Variants in ZNF24 observed in about 807,000 individuals in gnomAD.
ZNF24 encodes retinoic acid suppression protein A.
Under a neutral mutation model 40.9 loss-of-function variants are expected in ZNF24, and 11 were observed. The ratio of observed to expected loss-of-function variants is 0.27; its 90% CI spans 0.17 to 0.45. The LOEUF (loss-of-function observed/expected upper bound fraction) is 0.45, where lower values mean the gene tolerates loss of function less well. Among genes scored for constraint, ZNF24 ranks in the 20% least tolerant of loss-of-function variants. The pLI is 1.00. For missense variants in ZNF24, 293 were observed against 437.7 expected (o/e 0.67, Z 2.95); for synonymous variants, 139 against 154.7 (o/e 0.90, Z 0.75).
At chr18:35,339,397 GAAAT>G (rs1166393678) in intron 3 of ZNF24, among the ~76,000 whole-genome samples, 1 of 152,162 alleles carries the variant, frequency 6.6e-6, no homozygotes, top group African/African-American at 2.4e-5. Context: ...AAGGAAATCA[GAAAT>G]AAATATTTAG....
chr18:35,337,359 C>G lies in ZNF24; in HGVS notation c.980G>C (p.Arg327Thr). The G allele has an allele frequency of 6.2e-7, 1 of 1,614,060 alleles. No homozygotes were observed. Among genetic ancestry groups the G allele is most frequent in the Non-Finnish European group, 8.5e-7 (1 of 1,179,976 alleles). Residue 327 changes from arginine (R) to threonine (T), a missense_variant, in exon 4 of 4, where the codon AGA (arginine) becomes ACA (threonine). This residue lies in a region of ZNF24 where 59 missense variants were observed against 138.6 expected (regional missense o/e 0.43). Coordinates refer to ENST00000261332, the MANE Select transcript of ZNF24 (RefSeq NM_006965.4). ...SQNSGLINHQRIHTGEKPYEC... is the reference protein window; with the variant it reads ...SQNSGLINHQTIHTGEKPYEC... ...ATAAGGTTTCTCCCCAGTATGGATT[C>G]TCTGATGATTAATAAGCCCCGAATT...
chr18:35,339,951 T>A lies in ZNF24; in HGVS notation c.446A>T (p.Glu149Val). ...QPVSLRRRKR[E>V]VLVEDMVSQE... ...AGATACCATGTCTTCTACTAGTACT[T>A]CCCGTTTTCGTCGACGGAGAGAAAC... The change falls in exon 3 of 4, where the codon GAA (glutamate) becomes GTA (valine). Residue 149 changes from glutamate (E) to valine (V), a missense_variant. Glu to Val is a moderately radical substitution (Grantham distance 121). Around this residue, in one of 2 missense-constraint regions of ZNF24, gnomAD observed 234 missense variants for 299.2 expected, o/e 0.78. Coordinates refer to ENST00000261332, the MANE Select transcript of ZNF24 (RefSeq NM_006965.4). 1.9e-6 allele frequency: 3 copies of A among 1,610,358 alleles called. No homozygotes were observed. The highest frequency in any genetic ancestry group is 2.5e-6 in the Non-Finnish European group (3 of 1,176,972).
intron 1 of ZNF24, among the ~76,000 whole-genome samples, 186 bp downstream of exon 1, chr18:35,344,174 C>T (rs1235348712): frequency 6.6e-6 from 1 of 152,150 alleles, no homozygotes; most frequent in Non-Finnish European, 1.5e-5. Context: ...TGCCGAAGAC[C>T]CAAGCAGGCC....
At chr18:35,342,087 T>C (rs1598688969) in intron 1 of ZNF24, among the ~76,000 whole-genome samples, 1 of 151,746 alleles carries the variant, frequency 6.6e-6, no homozygotes. Flanking sequence ...TCCCAGCTAC[T>C]GGGGAGATTG....
intron 3 of ZNF24, among the ~76,000 whole-genome samples, chr18:35,339,344 C>T (rs555437596): frequency 2.0e-5 from 3 of 152,180 alleles, no homozygotes; most frequent in African/African-American, 4.8e-5. Context: ...AATATTTCTA[C>T]AAAAGAAGCT....
rs778112029 is a variant in ZNF24 at position 35,340,687 on chromosome 18, C to A, written c.-37G>T. The A allele has an allele frequency of 1.3e-5, 21 of 1,587,744 alleles. No individual in the cohort carries two copies. The Admixed American group carries it at 3.4e-4, about 26-fold the overall frequency. On this transcript the variant is annotated 5_prime_UTR_variant, in exon 2 of 4. Transcript: ENST00000261332. This position sits in a 1 kb window ranked among gnomAD's most constrained non-coding sequence, Gnocchi z 4.6. ...ATATTTCAAGAAAAGACAACTGAGGCAGAATATAAGCCTCAGGGCAATACC... is the reference window on the plus strand; with the variant it reads ...ATATTTCAAGAAAAGACAACTGAGGAAGAATATAAGCCTCAGGGCAATACC...
At position 35,335,342 on chromosome 18, in the gene ZNF24, A is replaced by G. The variant is rs1040773509; in HGVS notation, c.*1890T>C. 3 of 152,204 alleles carry G rather than the reference A, an allele frequency of 2.0e-5. No individual in the cohort carries two copies. Among genetic ancestry groups the G allele is most frequent in the Non-Finnish European group, 2.9e-5 (2 of 68,036 alleles). The allele number at this position is 152,204 out of a possible 1,614,324, so 9.4% of individuals were successfully genotyped here. A position where few individuals can be genotyped will look rare whatever the true frequency, so the allele number is the denominator to read the frequency against. ...TCTTGTATAACTTAAAATACATTAT[A>G]TCATTACTACATATTTATACTTCAA... On this transcript the variant is annotated 3_prime_UTR_variant, in exon 4 of 4. Transcript: ENST00000261332.
At position 35,332,964 on chromosome 18, in the gene ZNF24, A is replaced by AT. The variant is rs1598681380; in HGVS notation, c.*4267dup. Reference sequence around the variant, plus strand: ...GAAAAGGTTCTTTTTCGCCCAACAGATAAAAACTATCAAGTGTAGGTATGG... The same window carrying AT: ...GAAAAGGTTCTTTTTCGCCCAACAGATTAAAAACTATCAAGTGTAGGTATGG... On this transcript the variant is annotated 3_prime_UTR_variant, in exon 4 of 4. Coordinates refer to ENST00000261332, the MANE Select transcript of ZNF24 (RefSeq NM_006965.4). 1 of 152,294 alleles carries AT rather than the reference A, an allele frequency of 6.6e-6. No homozygotes were observed. Among genetic ancestry groups the AT allele is most frequent in the East Asian group, 1.9e-4 (1 of 5,186 alleles). The allele number at this position is 152,294 out of a possible 1,614,324, so 9.4% of individuals were successfully genotyped here. A position where few individuals can be genotyped will look rare whatever the true frequency, so the allele number is the denominator to read the frequency against.
intron 3 of ZNF24, chr18:35,338,688 T>A: frequency 9.2e-7 from 1 of 1,088,200 alleles, no homozygotes; most frequent in Non-Finnish European, 1.1e-6. Context: ...ACTGAAAGGT[T>A]AGAGGAGGAT....
chr18:35,338,993 C>A, intron 3 of ZNF24: 1 of 1,533,000 alleles, frequency 6.5e-7, no homozygotes, highest in Non-Finnish European at 8.7e-7. Flanking sequence ...TGGCACTGTC[C>A]CCTCAGATGT....
chr18:35,338,394 G>C (rs1373524235), intron 3 of ZNF24: 2 of 985,266 alleles, frequency 2.0e-6, no homozygotes, highest in Non-Finnish European at 2.4e-6. Flanking sequence ...AATAAAAGCA[G>C]CTTCTCCCAT....
At chr18:35,338,434 C>G (rs1362860) in intron 3 of ZNF24, 913,047 of 985,290 alleles carry the variant, frequency 0.93, 424,360 homozygotes, top group Non-Finnish European at 0.94. Flanking sequence ...TTAGAAAAAT[C>G]GTTATTTCTA....
At chr18:35,338,399 T>C in intron 3 of ZNF24, 2 of 985,374 alleles carry the variant, frequency 2.0e-6, no homozygotes, top group Non-Finnish European at 2.4e-6. Context: ...AAGCAGCTTC[T>C]CCCATGTGGT....
intron 1 of ZNF24, among the ~76,000 whole-genome samples, chr18:35,341,810 G>C (rs898866550): frequency 2.0e-5 from 3 of 152,072 alleles, no homozygotes; most frequent in South Asian, 2.1e-4. Flanking sequence ...CTAAAGACCA[G>C]GAGTTCAAGG....
chr18:35,343,777 C>A, intron 1 of ZNF24: 1 of 152,576 alleles, frequency 6.6e-6, no homozygotes, highest in South Asian at 2.0e-4. Context: ...GCCCACGGTC[C>A]CGACAATGTT....
rs2044896800 is a variant in ZNF24 at position 35,335,377 on chromosome 18, A to G, written c.*1855T>C. The G allele has an allele frequency of 2.0e-5, 3 of 152,230 alleles. No homozygotes were observed. The highest frequency in any genetic ancestry group is 6.5e-5 in the Admixed American group (1 of 15,290). The allele number at this position is 152,230 out of a possible 1,614,324, so 9.4% of individuals were successfully genotyped here. A position where few individuals can be genotyped will look rare whatever the true frequency, so the allele number is the denominator to read the frequency against. Reference sequence around the variant, plus strand: ...CATATTTATACTTCAATAAATCTTAATCTATAAAGCACATTTTTTATAATT... The same window carrying G: ...CATATTTATACTTCAATAAATCTTAGTCTATAAAGCACATTTTTTATAATT... On this transcript the variant is annotated 3_prime_UTR_variant, in exon 4 of 4. Coordinates refer to ENST00000261332, the MANE Select transcript of ZNF24 (RefSeq NM_006965.4).
rs747590446 is a variant in ZNF24, at chr18:35,337,408, C to G, written c.931G>C (p.Glu311Gln). The G allele has an allele frequency of 1.9e-6, 3 of 1,614,014 alleles. No individual in the cohort carries two copies. The highest frequency in any genetic ancestry group is 2.5e-6 in the Non-Finnish European group (3 of 1,179,950). Residue 311 changes from glutamate (E) to glutamine (Q), a missense_variant, in exon 4 of 4, where the codon GAA (glutamate) becomes CAA (glutamine). Coordinates refer to ENST00000261332, the MANE Select transcript of ZNF24 (RefSeq NM_006965.4). ...TTCTGGCTAAAGGCTTTCCCACATT[C>G]AAGACATTTGTAAGGTTTTTCTCCA... ...HTGEKPYKCL[E>Q]CGKAFSQNSG...
rs2143848301 is a variant in ZNF24 at position 35,336,383 on chromosome 18, TTA to T, written c.*847_*848del. 1 of 152,424 alleles carries T rather than the reference TTA, an allele frequency of 6.6e-6. No homozygotes were observed. Among genetic ancestry groups the T allele is most frequent in the African/African-American group, 2.4e-5 (1 of 41,578 alleles). 9.4% of individuals were successfully genotyped at this position (152,424 alleles called of 1,614,324 possible). A position where few individuals can be genotyped will look rare whatever the true frequency, so the allele number is the denominator to read the frequency against. ...TAAAAGCCATGACAGACCATTACCC[TTA>T]TGTTTACATTTGCCTTCAACACTGC... On this transcript the variant is annotated 3_prime_UTR_variant, in exon 4 of 4. Transcript: ENST00000261332.
chr18:35,339,442 T>A (rs539897075), intron 3 of ZNF24, among the ~76,000 whole-genome samples: 15 of 152,252 alleles, frequency 9.9e-5, no homozygotes, highest in African/African-American at 3.4e-4. Context: ...ACAAAGAGAT[T>A]AGAAGAGGTT....
Sources: gnomAD v4.1 joint callset for allele counts (sites outside exome capture counted in the v4.1 genomes callset) on GRCh38, gnomAD v4.1.1 for gene constraint, gnomAD v4.1.1 regional missense constraint, Gnocchi (gnomAD v3.1) non-coding constraint, MANE v1.5 for transcripts, NCBI Gene and HGNC (gene_info 2026-07-23, HGNC 2026-07-21) for gene names.